Variants in DPP10 observed in about 807,000 individuals in gnomAD.
DPP10 encodes the protein dipeptidyl peptidase like 10.
Under a neutral mutation model 120.9 loss-of-function variants are expected in DPP10, and 33 were observed. The observed-to-expected ratio is 0.27, with a 90% CI of 0.21 to 0.37. The LOEUF (loss-of-function observed/expected upper bound fraction) is 0.37. DPP10 is among the 10% of genes least tolerant of loss of function. The pLI is 1.00. For missense variants in DPP10, 816 were observed against 942.8 expected, an observed-to-expected ratio of 0.87 and a Z score of 1.76; for synonymous variants, 337 against 326.1, an observed-to-expected ratio of 1.03 and a Z score of -0.36.
intron 3 of DPP10, among the ~76,000 whole-genome samples, chr2:115,387,478 G>A (rs1056819206): frequency 6.6e-6 from 1 of 152,108 alleles, no homozygotes; most frequent in Non-Finnish European, 1.5e-5. Context: ...TCAAAGCAAA[G>A]TAGCAGGATT....
At chr2:114,520,211 C>T (rs1684940462) in intron 1 of DPP10, among the ~76,000 whole-genome samples, 1 of 152,138 alleles carries the variant, frequency 6.6e-6, no homozygotes, top group East Asian at 1.9e-4. Context: ...AAACTTTTTT[C>T]TTTATCTCAA....
chr2:115,475,112 C>A (rs2074990344), intron 3 of DPP10, among the ~76,000 whole-genome samples: 1 of 152,134 alleles, frequency 6.6e-6, no homozygotes, highest in Admixed American at 6.5e-5. Context: ...ATAGCCAAGA[C>A]AATGGGAAGG....
At position 115,836,699 on chromosome 2, in the gene DPP10, A is replaced by C; in HGVS notation, c.2135A>C (p.His712Pro). 3 of 1,613,548 alleles carry C rather than the reference A, an allele frequency of 1.9e-6. No homozygotes were observed. The highest frequency in any genetic ancestry group is 2.5e-6 in the Non-Finnish European group (3 of 1,179,738). Residue 712 changes from histidine to proline, a missense_variant, in exon 24 of 26, where the codon CAT becomes CCT. Transcript: ENST00000410059. ...GCAGCCAGTGTGCTACATAATGTTC[A>C]TGGCTTGAAAGAAGAAAATATATTA... ...YQAASVLHNV[H>P]GLKEENILII...
At chr2:114,960,365 C>CGT (rs1698518583) in intron 1 of DPP10, among the ~76,000 whole-genome samples, 1 of 12,322 alleles carries the variant, frequency 8.1e-5, no homozygotes, top group South Asian at 5.8e-3. Context: ...AGTGTATGTG[C>CGT]GTATATATAT....
chr2:115,641,592 T>C lies in DPP10; in HGVS notation c.442-48095T>C, dbSNP rs75024798. 9.4e-3 allele frequency among the ~76,000 whole-genome samples: 1,431 copies of C among 152,292 alleles called. 21 individuals carry two copies. Among genetic ancestry groups the C allele is most frequent in the African/African-American group, 0.031 (1,304 of 41,576 alleles). ...GTACTTATCACTGTCTGAAGTTATCTACTTATGAGTCTCTATGTGTATTAT... is the reference window on the plus strand; with the variant it reads ...GTACTTATCACTGTCTGAAGTTATCCACTTATGAGTCTCTATGTGTATTAT... On this transcript the variant is annotated intron_variant, in intron 5 of 25. Transcript: ENST00000410059.
rs70941005 is a variant in DPP10, at chr2:114,748,405, A to ATT, written c.60+305576_60+305577dup. ...TTATTTATTTATTTATTTATTTTAA[A>ATT]TTTTTTTTTTATTATACTTTAAGTT... On this transcript the variant is annotated intron_variant, in intron 1 of 25. Transcript: ENST00000410059. Among the ~76,000 whole-genome samples the ATT allele has an allele frequency of 3.1e-3, 339 of 110,658 alleles. 2 individuals carry two copies. The highest frequency in any genetic ancestry group is 0.011 in the African/African-American group (329 of 29,236). The allele number at this position is 110,658 out of a possible 152,430, so 72.6% of individuals were successfully genotyped here.
chr2:115,388,276 T>C (rs886368207), intron 3 of DPP10, among the ~76,000 whole-genome samples: 1 of 152,218 alleles, frequency 6.6e-6, no homozygotes, highest in African/African-American at 2.4e-5. Flanking sequence ...ATAGGTGCCA[T>C]GTTATTTAAA....
chr2:115,516,512 C>T (rs962524694), intron 4 of DPP10, among the ~76,000 whole-genome samples: 46 of 150,574 alleles, frequency 3.1e-4, no homozygotes, highest in Non-Finnish European at 4.4e-4. Context: ...AATGTTACAT[C>T]GGTTAATATA....
intron 11 of DPP10, among the ~76,000 whole-genome samples, chr2:115,758,265 C>G (rs62156286): frequency 0.081 from 12,368 of 152,000 alleles, 670 homozygotes; most frequent in Non-Finnish European, 0.12. Flanking sequence ...TAAGTTTGTA[C>G]TTGTTTCAAA....
rs548082018 is a variant in DPP10 at position 115,049,422 on chromosome 2, C to T, written c.61-259817C>T. Among the ~76,000 whole-genome samples the T allele has an allele frequency of 1.2e-4, 19 of 152,200 alleles. No individual in the cohort carries two copies. In the South Asian group the frequency reaches 2.5e-3, roughly 20 times the overall value. On this transcript the variant is annotated intron_variant, in intron 1 of 25. Coordinates refer to ENST00000410059, the MANE Select transcript of DPP10 (RefSeq NM_020868.6). ...TCCAGTTTCTGTTTTACTACCAAAACGATCTACTTTATAGCCTTTCATTTC... is the reference window on the plus strand; with the variant it reads ...TCCAGTTTCTGTTTTACTACCAAAATGATCTACTTTATAGCCTTTCATTTC...
intron 5 of DPP10, among the ~76,000 whole-genome samples, chr2:115,607,503 T>C (rs535484149): frequency 5.3e-5 from 8 of 152,354 alleles, no homozygotes; most frequent in Admixed American, 2.6e-4. Flanking sequence ...ATGTGGCTAC[T>C]GAAAGCATTC....
At chr2:115,225,994 C>G (rs1251500424) in intron 1 of DPP10, among the ~76,000 whole-genome samples, 1 of 152,020 alleles carries the variant, frequency 6.6e-6, no homozygotes, top group Non-Finnish European at 1.5e-5. Context: ...CATCAAAACT[C>G]TAATTTTTAA....
intron 1 of DPP10, among the ~76,000 whole-genome samples, chr2:114,650,031 T>C (rs563637548): frequency 2.0e-4 from 30 of 152,336 alleles, no homozygotes; most frequent in African/African-American, 7.2e-4. Context: ...TTATTGGCCA[T>C]GTTATACATT....
intron 1 of DPP10, among the ~76,000 whole-genome samples, chr2:115,259,648 A>G (rs915871859): frequency 8.5e-5 from 13 of 152,192 alleles, no homozygotes; most frequent in Admixed American, 6.5e-4. Context: ...GCAGGGAAGT[A>G]TAGGAAATAT....
At chr2:115,009,260 T>G (rs1029974670) in intron 1 of DPP10, among the ~76,000 whole-genome samples, 4 of 151,392 alleles carry the variant, frequency 2.6e-5, no homozygotes, top group African/African-American at 9.7e-5. Context: ...TAAAAAACGA[T>G]GAGTTCATGT....
chr2:115,149,020 A>C (rs1159597084), intron 1 of DPP10, among the ~76,000 whole-genome samples: 1 of 152,078 alleles, frequency 6.6e-6, no homozygotes, highest in Non-Finnish European at 1.5e-5. Flanking sequence ...TTTCCCTTAA[A>C]ATTAATCTGT....
At chr2:114,787,419 T>G (rs145397630) in intron 1 of DPP10, among the ~76,000 whole-genome samples, 21 of 152,312 alleles carry the variant, frequency 1.4e-4, no homozygotes, top group African/African-American at 4.8e-4. Flanking sequence ...CCAAATGCAT[T>G]GGAAAGCCCT....
intron 1 of DPP10, among the ~76,000 whole-genome samples, chr2:114,480,693 A>T (rs1419721531): frequency 8.8e-6 from 1 of 114,118 alleles, no homozygotes; most frequent in African/African-American, 3.4e-5. Context: ...AACATCACAC[A>T]CCGGGGACTG....
intron 25 of DPP10, 134 bp from the exon 26 acceptor site, chr2:115,842,077 T>TA (rs950414545): frequency 7.7e-6 from 6 of 775,204 alleles, no homozygotes; most frequent in Non-Finnish European, 7.7e-6. Flanking sequence ...ATGAATAACT[T>TA]AGAGTAGAAT....
Sources: gnomAD v4.1 joint callset for allele counts (sites outside exome capture counted in the v4.1 genomes callset) on GRCh38, gnomAD v4.1.1 for gene constraint, MANE v1.5 for transcripts, NCBI Gene and HGNC (gene_info 2026-07-23, HGNC 2026-07-21) for gene names.